The following PITPNM2 variants were observed in gnomAD, a reference collection of about 807,000 sequenced individuals.
PITPNM2 encodes phosphatidylinositol transfer protein membrane associated 2.
PITPNM2 carries 35 observed loss-of-function variants against 132.2 expected under a neutral mutation model. The observed-to-expected ratio is 0.26, with a 90% CI of 0.20 to 0.35. The LOEUF is 0.35. Ranked by LOEUF, PITPNM2 falls within the 10% of genes least tolerant of loss-of-function variation. The probability of loss-of-function intolerance (pLI) is 1.00; values close to 1 mark genes in which losing one functional copy is unlikely to be tolerated. For synonymous variants in PITPNM2, 738 were observed against 799.2 expected (o/e 0.92, Z 1.29); for missense variants, 1,332 against 1,912.0 (o/e 0.70, Z 5.66).
At position 123,031,877 on chromosome 12, in the gene PITPNM2, G is replaced by A. The variant is rs1307390857; in HGVS notation, c.78+2636C>T. Among the ~76,000 whole-genome samples, 1 of 152,232 alleles carries A rather than the reference G, an allele frequency of 6.6e-6. No individual in the cohort carries two copies. The highest frequency in any genetic ancestry group is 6.5e-5 in the Admixed American group (1 of 15,286). ...CAGGGAAAGGCTCTGGAAGCTCAGAGGAGCAGCAATGACTCCAGCTAGCCC... is the reference window on the plus strand; with the variant it reads ...CAGGGAAAGGCTCTGGAAGCTCAGAAGAGCAGCAATGACTCCAGCTAGCCC... On this transcript the variant is annotated intron_variant, in intron 3 of 25. Coordinates refer to ENST00000320201, the MANE Select transcript of PITPNM2 (RefSeq NM_020845.3). The surrounding 1 kb of genome is among the most constrained non-coding windows in gnomAD (Gnocchi z 4.5).
chr12:123,151,114 C>T (rs1205446957), upstream of PITPNM2, among the ~76,000 whole-genome samples: 1 of 146,394 alleles, frequency 6.8e-6, no homozygotes, highest in African/African-American at 2.4e-5. Flanking sequence ...GGGCCGGGCT[C>T]GCATTCCCTC....
rs1258966439 is a variant in PITPNM2 at position 122,995,657 on chromosome 12, T to C, written c.1786A>G (p.Asn596Asp). The C allele has an allele frequency of 2.5e-6, 4 of 1,593,282 alleles. No homozygotes were observed. The highest frequency in any genetic ancestry group is 2.6e-6 in the Non-Finnish European group (3 of 1,174,148). Reference sequence around the variant, plus strand: ...AGGATGCCCGGGGACAGCAGGTCATTGTCCTGGAACGGCCCCGTGGAGGCT... The same window carrying C: ...AGGATGCCCGGGGACAGCAGGTCATCGTCCTGGAACGGCCCCGTGGAGGCT... The part of the protein sequence containing the change: ...RRGSVVSMQD[N>D]DLLSPGILMN... The change falls in exon 14 of 26, where the codon AAT (asparagine) becomes GAT (aspartate). Residue 596 changes from asparagine (N) to aspartate (D), a missense_variant. Coordinates refer to ENST00000320201, the MANE Select transcript of PITPNM2 (RefSeq NM_020845.3).
At position 123,000,372 on chromosome 12, in the gene PITPNM2, C is replaced by T. The variant is rs1014021993; in HGVS notation, c.1224+406G>A. 1.1e-5 allele frequency: 8 copies of T among 701,334 alleles called. No individual in the cohort carries two copies. Among genetic ancestry groups the T allele is most frequent in the African/African-American group, 3.5e-5 (2 of 57,180 alleles). The allele number at this position is 701,334 out of a possible 1,614,324, so 43.4% of individuals were successfully genotyped here. ...TCCCGCGGGGCCATCTTGTCGGCCA[C>T]GGCCACATCACTTCTGCCTAGACGA... On this transcript the variant is annotated intron_variant, in intron 10 of 25. Coordinates refer to ENST00000320201, the MANE Select transcript of PITPNM2 (RefSeq NM_020845.3). The surrounding 1 kb of genome is among the most constrained non-coding windows in gnomAD (Gnocchi z 5.4).
intron 10 of PITPNM2, among the ~76,000 whole-genome samples, chr12:122,998,138 G>GCT (rs1594131135): frequency 1.3e-5 from 2 of 152,198 alleles, no homozygotes; most frequent in East Asian, 3.8e-4. Flanking sequence ...GCAGCTCCAA[G>GCT]CTCTCCCCCA....
rs1439710349 is a variant in PITPNM2 at position 123,001,063 on chromosome 12, C to T, written c.1144G>A (p.Asp382Asn). Residue 382 changes from aspartate to asparagine, a missense_variant, in exon 9 of 26, where the codon GAC becomes AAC. Transcript: ENST00000320201. ...MDKIESPEPE[D>N]TQDGLYRQGA... The stretch of plus-strand genomic sequence containing the variant: ...CCCCAGACCTGCTGACCTTGTGTGT[C>T]TTCCGGCTCTGGGCTCTCGATCTTG... 1.2e-6 allele frequency: 2 copies of T among 1,614,106 alleles called. No individual in the cohort carries two copies. The highest frequency in any genetic ancestry group is 1.7e-6 in the Non-Finnish European group (2 of 1,179,942).
Position 122,985,049 on chromosome 12 carries a change from G to A in PITPNM2, c.*978C>T, listed in dbSNP as rs769334237. On this transcript the variant is annotated 3_prime_UTR_variant, in exon 26 of 26. Transcript: ENST00000320201. ...AATTCAGTGGGATTGCCGGGGCCAG[G>A]TGAGGCAAGGAGCCCATGCCTCGCT... 1 of 152,498 alleles carries A rather than the reference G, an allele frequency of 6.6e-6. No individual in the cohort carries two copies. Among genetic ancestry groups the A allele is most frequent in the Non-Finnish European group, 1.5e-5 (1 of 68,056 alleles). 9.4% of individuals were successfully genotyped at this position (152,498 alleles called of 1,614,324 possible).
intron 13 of PITPNM2, among the ~76,000 whole-genome samples, chr12:122,995,979 C>T (rs749401749): frequency 6.6e-5 from 10 of 152,230 alleles, no homozygotes; most frequent in South Asian, 2.1e-4. Context: ...TGAAACCACA[C>T]GCATTCCTAG....
intron 5 of PITPNM2, among the ~76,000 whole-genome samples, chr12:123,011,698 G>T (rs916764439): frequency 6.6e-6 from 1 of 152,172 alleles, no homozygotes; most frequent in Non-Finnish European, 1.5e-5. Flanking sequence ...ACCATGTGAC[G>T]AACGAGGCAG....
chr12:123,149,602 G>A (rs754755238), intron 1 of PITPNM2, among the ~76,000 whole-genome samples: 1 of 152,188 alleles, frequency 6.6e-6, no homozygotes, highest in Non-Finnish European at 1.5e-5. Context: ...ACTCCAGCCC[G>A]GGAGCTCACC....
At chr12:123,053,628 C>T (rs1390813515) in intron 2 of PITPNM2, among the ~76,000 whole-genome samples, 2 of 139,986 alleles carry the variant, frequency 1.4e-5, no homozygotes, top group Admixed American at 7.7e-5. Context: ...AGTGCAATGG[C>T]GTGATCTCGG....
At chr12:123,079,487 T>C (rs1160976676) in intron 2 of PITPNM2, among the ~76,000 whole-genome samples, 1 of 148,984 alleles carries the variant, frequency 6.7e-6, no homozygotes, top group Non-Finnish European at 1.5e-5. Context: ...GCTGGGATTA[T>C]AGGCGCCCAC....
At chr12:123,116,647 C>CA (rs5801499) in intron 1 of PITPNM2, among the ~76,000 whole-genome samples, 2,957 of 107,848 alleles carry the variant, frequency 0.027, 107 homozygotes, top group African/African-American at 0.094. Context: ...GACCTTGTTT[C>CA]AAAAAAAAAA....
In PITPNM2 at chr12:123,095,718, C is replaced by G. The variant is rs976196770; in HGVS notation, c.-96+14667G>C. Among the ~76,000 whole-genome samples, 1 of 152,204 alleles carries G rather than the reference C, an allele frequency of 6.6e-6. No individual in the cohort carries two copies. The highest frequency in any genetic ancestry group is 6.5e-5 in the Admixed American group (1 of 15,288). On this transcript the variant is annotated intron_variant, in intron 2 of 25. Coordinates refer to ENST00000320201, the MANE Select transcript of PITPNM2 (RefSeq NM_020845.3). The surrounding 1 kb of genome is among the most constrained non-coding windows in gnomAD (Gnocchi z 5.0). The stretch of plus-strand genomic sequence containing the variant: ...CAGCCAGACTCTCACAGACAGGAGC[C>G]CATGGGGCTCCTCCTGCCTCGGGGC...
intron 2 of PITPNM2, among the ~76,000 whole-genome samples, chr12:123,037,663 G>C (rs1317040156): frequency 6.6e-6 from 1 of 152,142 alleles, no homozygotes; most frequent in Non-Finnish European, 1.5e-5. Flanking sequence ...GACCTGCCCT[G>C]CTCATCCCCA....
chr12:123,065,004 C>T (rs1446040166), intron 2 of PITPNM2, among the ~76,000 whole-genome samples: 2 of 152,244 alleles, frequency 1.3e-5, no homozygotes, highest in Non-Finnish European at 1.5e-5. Flanking sequence ...GCCCTGCTCA[C>T]CCTTCAGAGC....
Position 123,009,622 on chromosome 12 carries a change from C to T in PITPNM2, c.643+228G>A, listed in dbSNP as rs1385207038. ...GGGCTTCTTCATCCAACAACACACA[C>T]TGCTTGTCTCTGCAGATGCTCAGTA... On this transcript the variant is annotated intron_variant, in intron 6 of 25. Coordinates refer to ENST00000320201, the MANE Select transcript of PITPNM2 (RefSeq NM_020845.3). The surrounding 1 kb of genome is among the most constrained non-coding windows in gnomAD (Gnocchi z 4.8). 2.0e-5 allele frequency among the ~76,000 whole-genome samples: 3 copies of T among 152,236 alleles called. No homozygotes were observed. Among genetic ancestry groups the T allele is most frequent in the South Asian group, 2.1e-4 (1 of 4,832 alleles).
At chr12:123,035,294 G>C (rs2040227447) in intron 2 of PITPNM2, among the ~76,000 whole-genome samples, 1 of 152,226 alleles carries the variant, frequency 6.6e-6, no homozygotes, top group Admixed American at 6.5e-5. Flanking sequence ...AAGATAAGCA[G>C]AGAGTGTGCT....
At chr12:123,131,250 A>C (rs2043255665) in intron 1 of PITPNM2, among the ~76,000 whole-genome samples, 1 of 152,166 alleles carries the variant, frequency 6.6e-6, no homozygotes. Context: ...TGTCCTTATA[A>C]GAGAAAAGTC....
intron 8 of PITPNM2, among the ~76,000 whole-genome samples, chr12:123,002,853 C>T (rs916307912): frequency 3.9e-5 from 6 of 152,190 alleles, no homozygotes; most frequent in African/African-American, 1.4e-4. Flanking sequence ...TGGGAATGTT[C>T]AATTTCCACC....
Sources: gnomAD v4.1 joint callset for allele counts (sites outside exome capture counted in the v4.1 genomes callset) on GRCh38, gnomAD v4.1.1 for gene constraint, Gnocchi (gnomAD v3.1) non-coding constraint, MANE v1.5 for transcripts, NCBI Gene and HGNC (gene_info 2026-07-23, HGNC 2026-07-21) for gene names.